CEP89: variants seen among roughly 807,000 people sequenced by gnomAD.
CEP89 encodes centrosomal protein 89.
In CEP89, 95 loss-of-function variants were observed where a neutral mutation model predicts 97.6. The ratio of observed to expected loss-of-function variants is 0.97; its 90% CI spans 0.82 to 1.15. The LOEUF (loss-of-function observed/expected upper bound fraction) is 1.15, where lower values mean the gene tolerates loss of function less well. Ranked by LOEUF, CEP89 falls within the 50% of genes most tolerant of loss-of-function variation. The pLI is 0.00. For missense variants in CEP89, 869 were observed against 947.7 expected, an observed-to-expected ratio of 0.92 and a Z score of 1.09; for synonymous variants, 354 against 349.1, an observed-to-expected ratio of 1.01 and a Z score of -0.16.
chr19:32,918,157 G>C, intron 13 of CEP89, 67 bp downstream of exon 13: 1 of 1,257,684 alleles, frequency 8.0e-7, no homozygotes, highest in Non-Finnish European at 1.1e-6. Flanking sequence ...CGGCAGGAGA[G>C]AGATAGAAGG....
At chr19:32,920,916 C>T (rs1261365331) in intron 12 of CEP89, among the ~76,000 whole-genome samples, 1 of 151,850 alleles carries the variant, frequency 6.6e-6, no homozygotes, top group Non-Finnish European at 1.5e-5. Flanking sequence ...TACTGGCAAC[C>T]AAGCAGAAAG....
chr19:32,898,881 T>A (rs1321957022), intron 16 of CEP89, among the ~76,000 whole-genome samples: 4 of 127,510 alleles, frequency 3.1e-5, no homozygotes, highest in African/African-American at 5.8e-5. Context: ...GACTCCATCT[T>A]AAAAAAAAAA....
chr19:32,939,930 T>A (rs750856199), intron 5 of CEP89, 45 bp from the exon 6 acceptor site: 8 of 918,652 alleles, frequency 8.7e-6, no homozygotes, highest in Non-Finnish European at 1.4e-5. Context: ...AAGTAGATAA[T>A]GAAATATGAC....
In CEP89 at chr19:32,919,038, C is replaced by T. The variant is rs187310411; in HGVS notation, c.1269-699G>A. 1.5e-3 allele frequency among the ~76,000 whole-genome samples: 223 copies of T among 151,952 alleles called. 1 individual carries two copies. Among genetic ancestry groups the T allele is most frequent in the African/African-American group, 5.3e-3 (219 of 41,462 alleles). On this transcript the variant is annotated intron_variant, in intron 12 of 18. Coordinates refer to ENST00000305768, the MANE Select transcript of CEP89 (RefSeq NM_032816.5). Reference sequence around the variant, plus strand: ...TAGCTGGGACTACAGATGCCCACCACGCCGCCTGGCTAATTTTTTTGTATT... The same window carrying T: ...TAGCTGGGACTACAGATGCCCACCATGCCGCCTGGCTAATTTTTTTGTATT...
chr19:32,923,577 A>G (rs746293136), intron 11 of CEP89, 35 bp from the exon 12 acceptor site: 31 of 1,227,190 alleles, frequency 2.5e-5, no homozygotes, highest in Non-Finnish European at 3.4e-5. Flanking sequence ...TAACACACAC[A>G]TACCCACGCA....
At chr19:32,960,966 C>T (rs563554536) in intron 2 of CEP89, among the ~76,000 whole-genome samples, 5 of 152,124 alleles carry the variant, frequency 3.3e-5, no homozygotes, top group South Asian at 4.2e-4. Context: ...GATAGAGTGC[C>T]GGAAAGGAGA....
chr19:32,914,498 C>A (rs1871452110), intron 14 of CEP89, among the ~76,000 whole-genome samples: 2 of 151,756 alleles, frequency 1.3e-5, no homozygotes, highest in Admixed American at 1.3e-4. Context: ...TCTCAAATTT[C>A]CAGGTTCAAG....
chr19:32,879,846 C>G lies in CEP89; in HGVS notation c.2136-468G>C, dbSNP rs147004001. On this transcript the variant is annotated intron_variant, in intron 18 of 18. Transcript: ENST00000305768. ...TGTCCCGTCTGCTTGTCCACTGTGACCTGGCCAGCACTCAGTGACCTTCCA... is the reference window on the plus strand; with the variant it reads ...TGTCCCGTCTGCTTGTCCACTGTGAGCTGGCCAGCACTCAGTGACCTTCCA... Among the ~76,000 whole-genome samples, 6 of 152,354 alleles carry G rather than the reference C, an allele frequency of 3.9e-5. No homozygotes were observed. The East Asian group carries it at 1.2e-3, about 29-fold the overall frequency.
intron 11 of CEP89, among the ~76,000 whole-genome samples, chr19:32,925,854 C>T (rs1320229971): frequency 6.6e-6 from 1 of 152,080 alleles, no homozygotes; most frequent in Non-Finnish European, 1.5e-5. Context: ...TTCCCCCCTG[C>T]TGTCTTCCCT....
chr19:32,882,072 C>T (rs1969296107), intron 17 of CEP89, 59 bp from the exon 18 acceptor site: 2 of 1,451,728 alleles, frequency 1.4e-6, no homozygotes, highest in East Asian at 2.5e-5. Context: ...GTGGACAGTG[C>T]CTCCTGGCTG....
intron 12 of CEP89, among the ~76,000 whole-genome samples, chr19:32,918,557 G>A (rs1038513718): frequency 1.3e-5 from 2 of 152,172 alleles, no homozygotes; most frequent in East Asian, 3.8e-4. Flanking sequence ...TTCAGAAAAC[G>A]CTTTCAGATG....
chr19:32,883,396 G>T (rs112681680), intron 17 of CEP89, among the ~76,000 whole-genome samples: 31,963 of 151,844 alleles, frequency 0.21, 3,512 homozygotes, highest in Admixed American at 0.33. Context: ...GCTCACGCCT[G>T]TAATCCCAGC....
chr19:32,933,903 G>A lies in CEP89; in HGVS notation c.668-234C>T, dbSNP rs186323355. 9.2e-5 allele frequency among the ~76,000 whole-genome samples: 14 copies of A among 152,290 alleles called. No individual in the cohort carries two copies. In the East Asian group the frequency reaches 1.7e-3, roughly 19 times the overall value. On this transcript the variant is annotated intron_variant, in intron 7 of 18. Transcript: ENST00000305768. ...AGGGAGGCCAGAGCTGCAGGAGGCC[G>A]TGCCTATTGTGATGTGGCATGGAAA...
At chr19:32,961,299 A>C (rs1200771534) in intron 2 of CEP89, among the ~76,000 whole-genome samples, 1 of 151,866 alleles carries the variant, frequency 6.6e-6, no homozygotes, top group Non-Finnish European at 1.5e-5. Context: ...GGCCAGGCAC[A>C]GTGGCTCACA....
At chr19:32,908,585 G>C (rs1262701545) in intron 14 of CEP89, among the ~76,000 whole-genome samples, 1 of 152,182 alleles carries the variant, frequency 6.6e-6, no homozygotes, top group East Asian at 1.9e-4. Context: ...ATGAGGAGTA[G>C]GAAACTGAGT....
At chr19:32,945,408 A>G (rs1053485428) in intron 5 of CEP89, among the ~76,000 whole-genome samples, 1 of 152,030 alleles carries the variant, frequency 6.6e-6, no homozygotes, top group African/African-American at 2.4e-5. Context: ...CAAACCAGGC[A>G]TCACTGCAGG....
At chr19:32,966,243 G>A (rs1270286404) in intron 2 of CEP89, 117 bp downstream of exon 2, 2 of 450,404 alleles carry the variant, frequency 4.4e-6, no homozygotes, top group Non-Finnish European at 8.0e-6. Context: ...ACATTTTGAA[G>A]GACATGATTC....
intron 18 of CEP89, among the ~76,000 whole-genome samples, chr19:32,881,292 C>G (rs778464189): frequency 6.7e-6 from 1 of 149,208 alleles, no homozygotes; most frequent in Non-Finnish European, 1.5e-5. Context: ...CAGAGCCAGA[C>G]CCTGTCTATA....
intron 14 of CEP89, among the ~76,000 whole-genome samples, chr19:32,913,248 C>T (rs1217705910): frequency 6.7e-6 from 1 of 150,186 alleles, no homozygotes; most frequent in Non-Finnish European, 1.5e-5. Flanking sequence ...CTTACATACA[C>T]ACACATACAA....
Sources: gnomAD v4.1 joint callset for allele counts (sites outside exome capture counted in the v4.1 genomes callset) on GRCh38, gnomAD v4.1.1 for gene constraint, MANE v1.5 for transcripts, NCBI Gene and HGNC (gene_info 2026-07-23, HGNC 2026-07-21) for gene names.